Variants in GATA4 observed in about 807,000 individuals in gnomAD.
GATA4 encodes GATA binding protein 4.
Under a neutral mutation model 37.9 loss-of-function variants are expected in GATA4, and 7 were observed. The observed-to-expected ratio is 0.18, with a 90% CI of 0.11 to 0.35. The LOEUF is 0.35. Ranked by LOEUF, GATA4 falls within the 10% of genes least tolerant of loss-of-function variation. The pLI is 1.00. For synonymous variants in GATA4, 372 were observed against 292.6 expected, an observed-to-expected ratio of 1.27 and a Z score of -2.77; for missense variants, 647 against 653.0, an observed-to-expected ratio of 0.99 and a Z score of 0.10.
At chr8:11,743,611 G>C (rs1263746442) in intron 2 of GATA4, among the ~76,000 whole-genome samples, 1 of 152,210 alleles carries the variant, frequency 6.6e-6, no homozygotes, top group Admixed American at 6.5e-5. Context: ...TCTTCCTCCC[G>C]TGCCTTCCCT....
At chr8:11,744,120 A>G (rs1192895978) in intron 2 of GATA4, among the ~76,000 whole-genome samples, 2 of 152,152 alleles carry the variant, frequency 1.3e-5, no homozygotes, top group Non-Finnish European at 2.9e-5. Context: ...AATTCTGAGT[A>G]TAGCCCCAGT....
intron 1 of GATA4, among the ~76,000 whole-genome samples, chr8:11,681,874 C>A (rs2898291): frequency 0.69 from 105,458 of 152,032 alleles, 42,997 homozygotes; most frequent in East Asian, 0.89. Flanking sequence ...CTGGCATACT[C>A]TGCGCCTTCA....
At chr8:11,690,415 C>A (rs1427101708), upstream of GATA4, among the ~76,000 whole-genome samples, 1 of 152,074 alleles carries the variant, frequency 6.6e-6, no homozygotes, top group African/African-American at 2.4e-5. Flanking sequence ...AAGATTTCTG[C>A]CTTCAAGGAG....
chr8:11,708,246 C>G lies in GATA4; in HGVS notation c.-67C>G. ...ATTATCGTTGTTGCCGTCGTTTTCT[C>G]TCCCCGCGTGGCTCCTTGACCTGCG... On this transcript the variant is annotated 5_prime_UTR_variant, in exon 2 of 7. Transcript: ENST00000532059. The surrounding 1 kb of genome is among the most constrained non-coding windows in gnomAD (Gnocchi z 6.7). 1 of 1,525,574 alleles carries G rather than the reference C, an allele frequency of 6.6e-7. No homozygotes were observed. The highest frequency in any genetic ancestry group is 2.4e-5 in the East Asian group (1 of 41,488). The allele number at this position is 1,525,574 out of a possible 1,614,324, so 94.5% of individuals were successfully genotyped here. A position where few individuals can be genotyped will look rare whatever the true frequency, so the allele number is the denominator to read the frequency against.
At chr8:11,682,881 C>G (rs1419158413) in intron 1 of GATA4, among the ~76,000 whole-genome samples, 4 of 152,188 alleles carry the variant, frequency 2.6e-5, no homozygotes, top group Non-Finnish European at 4.4e-5. Context: ...CTAACAGTTA[C>G]CCTCTTAGAA....
intron 1 of GATA4, among the ~76,000 whole-genome samples, chr8:11,696,143 A>G (rs1585570228): frequency 6.6e-6 from 1 of 152,110 alleles, no homozygotes; most frequent in South Asian, 2.1e-4. Context: ...TGCAACTTAT[A>G]TACAGTAAAT....
upstream of GATA4, among the ~76,000 whole-genome samples, chr8:11,690,122 G>T (rs547185402): frequency 6.6e-6 from 1 of 152,202 alleles, no homozygotes; most frequent in African/African-American, 2.4e-5. Context: ...CGGGCCAAAG[G>T]TACCTGGTGC....
intron 6 of GATA4, among the ~76,000 whole-genome samples, chr8:11,757,369 C>A (rs1802644098): frequency 6.6e-6 from 1 of 152,238 alleles, no homozygotes; most frequent in South Asian, 2.1e-4. Context: ...ATGCCATCAT[C>A]TTTGGAAACA....
At chr8:11,752,276 C>T (rs192832070) in intron 4 of GATA4, among the ~76,000 whole-genome samples, 50 of 152,190 alleles carry the variant, frequency 3.3e-4, no homozygotes, top group Non-Finnish European at 4.9e-4. Context: ...CAAATATACA[C>T]GTATAGGTGT....
chr8:11,708,828 C>G lies in GATA4; in HGVS notation c.516C>G (p.Ser172=). Residue 172 remains serine, a synonymous_variant, in exon 2 of 7, where the codon TCC becomes TCG. Transcript: ENST00000532059. The surrounding 1 kb of genome is among the most constrained non-coding windows in gnomAD (Gnocchi z 6.7). The part of the protein sequence containing the change: ...YPAYMADVGA[S]WAAAAAASAG... The stretch of plus-strand genomic sequence containing the variant: ...CTTACATGGCCGACGTGGGCGCGTC[C>G]TGGGCCGCAGCCGCCGCCGCCTCCG... The G allele has an allele frequency of 6.7e-7, 1 of 1,494,210 alleles. No homozygotes were observed. The highest frequency in any genetic ancestry group is 8.9e-7 in the Non-Finnish European group (1 of 1,129,582). The allele number at this position is 1,494,210 out of a possible 1,614,324, so 92.6% of individuals were successfully genotyped here.
intron 1 of GATA4, chr8:11,680,664 C>T (rs1798935713): frequency 4.1e-6 from 4 of 985,318 alleles, no homozygotes; most frequent in Non-Finnish European, 4.8e-6. Flanking sequence ...CTCGGGTCGC[C>T]CTTTGCGTCA....
Position 11,695,414 on chromosome 8 carries a change from A to C in GATA4, c.-729+2754A>C, listed in dbSNP as rs369608728. On this transcript the variant is annotated intron_variant, in intron 1 of 2. Transcript: ENST00000526974. ...AGAGTGAAACTCCATCTCAAAAAAAAAATAAATAAAATAAATAAGAGCCAG... is the reference window on the plus strand; with the variant it reads ...AGAGTGAAACTCCATCTCAAAAAAACAATAAATAAAATAAATAAGAGCCAG... 4.3e-4 allele frequency among the ~76,000 whole-genome samples: 66 copies of C among 152,166 alleles called. 1 individual carries two copies. In the South Asian group the frequency reaches 0.012, roughly 28 times the overall value.
chr8:11,704,911 C>G (rs1799824811), intron 1 of GATA4, among the ~76,000 whole-genome samples: 1 of 152,226 alleles, frequency 6.6e-6, no homozygotes, highest in African/African-American at 2.4e-5. Flanking sequence ...CCTCTGGAAG[C>G]TCACCACCCC....
At chr8:11,679,467 C>G (rs1798884812) in intron 1 of GATA4, among the ~76,000 whole-genome samples, 1 of 152,104 alleles carries the variant, frequency 6.6e-6, no homozygotes, top group Non-Finnish European at 1.5e-5. Context: ...CGGCGTCAGG[C>G]TTGGGCCGAG....
At chr8:11,681,078 T>C (rs1798955040) in intron 1 of GATA4, 1 of 961,478 alleles carries the variant, frequency 1.0e-6, no homozygotes, top group East Asian at 1.2e-4. Context: ...GGAGGGACAT[T>C]GAGGGGCATG....
chr8:11,708,920 C>G lies in GATA4; in HGVS notation c.608C>G (p.Pro203Arg), dbSNP rs1049056938. Residue 203 changes from proline to arginine, a missense_variant, in exon 2 of 7, where the codon CCC (proline) becomes CGC (arginine). By Grantham distance (103) the Pro-to-Arg change is moderately radical (BLOSUM62 -2). Coordinates refer to ENST00000532059, the MANE Select transcript of GATA4 (RefSeq NM_001308093.3). This position sits in a 1 kb window ranked among gnomAD's most constrained non-coding sequence, Gnocchi z 6.7. ...CGGGCCAACCCGGCCGCCCGACACC[C>G]CAATCTCGGTGAGTAGGAGCGCGAG... ...PGRANPAARH[P>R]NLVDMFDDFS... 2 of 1,527,404 alleles carry G rather than the reference C, an allele frequency of 1.3e-6. No homozygotes were observed. Among genetic ancestry groups the G allele is most frequent in the Admixed American group, 3.9e-5 (2 of 50,696 alleles). The allele number at this position is 1,527,404 out of a possible 1,614,324, so 94.6% of individuals were successfully genotyped here. A position where few individuals can be genotyped will look rare whatever the true frequency, so the allele number is the denominator to read the frequency against.
rs1800058585 is a variant in GATA4, at chr8:11,709,371, A to G, written c.616+443A>G. On this transcript the variant is annotated intron_variant, in intron 2 of 6. Coordinates refer to ENST00000532059, the MANE Select transcript of GATA4 (RefSeq NM_001308093.3). This position sits in a 1 kb window ranked among gnomAD's most constrained non-coding sequence, Gnocchi z 4.3. ...CGGGCCTCCGCAGGGAACTGATTAC[A>G]ATGGTTTGGACCGCAGACCTTCTGG... Among the ~76,000 whole-genome samples, 1 of 152,072 alleles carries G rather than the reference A, an allele frequency of 6.6e-6. No homozygotes were observed. The highest frequency in any genetic ancestry group is 2.4e-5 in the African/African-American group (1 of 41,414).
intron 2 of GATA4, among the ~76,000 whole-genome samples, chr8:11,719,224 T>G (rs1800564577): frequency 6.6e-6 from 1 of 151,952 alleles, no homozygotes; most frequent in Non-Finnish European, 1.5e-5. Context: ...TTTTCCTTCT[T>G]TGACCTAGAA....
At chr8:11,731,737 T>G (rs1204900285) in intron 2 of GATA4, among the ~76,000 whole-genome samples, 1 of 152,250 alleles carries the variant, frequency 6.6e-6, no homozygotes, top group Non-Finnish European at 1.5e-5. Flanking sequence ...TAATTTTATA[T>G]GTATTTTATC....
Sources: allele counts gnomAD v4.1 joint callset (sites outside exome capture counted in the v4.1 genomes callset), GRCh38; gene constraint gnomAD v4.1.1; non-coding constraint Gnocchi (gnomAD v3.1); transcripts MANE v1.5; gene names NCBI Gene and HGNC (gene_info 2026-07-23, HGNC 2026-07-21).